The following TENM4 variants were observed in gnomAD, a reference collection of about 807,000 sequenced individuals.
The protein encoded by TENM4 is teneurin transmembrane protein 4.
In TENM4, 82 loss-of-function variants were observed where a neutral mutation model predicts 243.3. The ratio of observed to expected loss-of-function variants is 0.34; its 90% CI spans 0.28 to 0.40. TENM4 has a LOEUF of 0.40. Among genes scored for constraint, TENM4 ranks in the 10% least tolerant of loss-of-function variants. The probability of loss-of-function intolerance (pLI) is 1.00; values close to 1 mark genes in which losing one functional copy is unlikely to be tolerated. For missense variants in TENM4, 3,138 were observed against 3,673.3 expected (o/e 0.85, Z 3.77); for synonymous variants, 1,412 against 1,456.3 (o/e 0.97, Z 0.69).
At chr11:79,157,822 C>A (rs1380520615) in intron 3 of TENM4, among the ~76,000 whole-genome samples, 4 of 152,160 alleles carry the variant, frequency 2.6e-5, no homozygotes, top group Non-Finnish European at 5.9e-5. Flanking sequence ...CTGTGAACTC[C>A]AGAAGGCCTT....
intron 4 of TENM4, among the ~76,000 whole-genome samples, chr11:79,112,169 C>T (rs893905756): frequency 4.9e-4 from 74 of 152,180 alleles, no homozygotes; most frequent in Admixed American, 4.4e-3. Flanking sequence ...AAGAGATGCA[C>T]GTGTGCGCAC....
chr11:78,846,011 G>C (rs534240138), intron 12 of TENM4, among the ~76,000 whole-genome samples: 102 of 152,280 alleles, frequency 6.7e-4, no homozygotes, highest in Non-Finnish European at 1.1e-3. Context: ...TGGTCTCTAA[G>C]ACCCTATCTG....
At chr11:79,138,363 TAATATA>T in intron 4 of TENM4, among the ~76,000 whole-genome samples, 1 of 123,058 alleles carries the variant, frequency 8.1e-6, no homozygotes, top group South Asian at 2.2e-4. Flanking sequence ...ATATAATATA[TAATATA>T]AATATAATAT....
intron 21 of TENM4, 34 bp from the exon 22 acceptor site, chr11:78,729,677 G>T: frequency 6.4e-7 from 1 of 1,569,072 alleles, no homozygotes; most frequent in Non-Finnish European, 8.6e-7. Flanking sequence ...GCAAGGGACG[G>T]TCGTCGACTC....
chr11:79,184,118 A>G (rs1863340209), intron 3 of TENM4, among the ~76,000 whole-genome samples: 1 of 152,250 alleles, frequency 6.6e-6, no homozygotes, highest in Non-Finnish European at 1.5e-5. Context: ...GTCCATGGTC[A>G]GATAACTGGA....
At chr11:79,003,638 G>A (rs1309124124) in intron 6 of TENM4, among the ~76,000 whole-genome samples, 1 of 152,098 alleles carries the variant, frequency 6.6e-6, no homozygotes, top group African/African-American at 2.4e-5. Flanking sequence ...CTTACAAAAG[G>A]TCTGCAAGGG....
At chr11:79,023,087 C>A (rs1478167163) in intron 6 of TENM4, among the ~76,000 whole-genome samples, 1 of 152,100 alleles carries the variant, frequency 6.6e-6, no homozygotes. Flanking sequence ...CTAACATAAC[C>A]ACTTCATTTG....
At position 78,913,935 on chromosome 11, in the gene TENM4, T is replaced by C. The variant is rs546056731; in HGVS notation, c.494-10412A>G. Among the ~76,000 whole-genome samples, 6 of 152,204 alleles carry C rather than the reference T, an allele frequency of 3.9e-5. No individual in the cohort carries two copies. In the East Asian group the frequency reaches 1.2e-3, roughly 29 times the overall value. On this transcript the variant is annotated intron_variant, in intron 6 of 33. Coordinates refer to ENST00000278550, the MANE Select transcript of TENM4 (RefSeq NM_001098816.3). ...GGGAGTAGGGGGAGGACTGATGCTG[T>C]TAGCCTGGAGAGGAGAAGGGGAAGG...
intron 4 of TENM4, among the ~76,000 whole-genome samples, chr11:79,099,169 G>A (rs1343142150): frequency 6.6e-6 from 1 of 152,090 alleles, no homozygotes; most frequent in South Asian, 2.1e-4. Flanking sequence ...AGTCATTCCT[G>A]GGGGTCTCTG....
intron 1 of TENM4, among the ~76,000 whole-genome samples, chr11:79,372,784 A>C (rs1022346148): frequency 2.6e-5 from 4 of 152,314 alleles, no homozygotes; most frequent in African/African-American, 9.6e-5. Context: ...ATCAGGTTCT[A>C]CATTACTCTC....
At chr11:79,228,520 A>G (rs1864316176) in intron 2 of TENM4, among the ~76,000 whole-genome samples, 1 of 151,660 alleles carries the variant, frequency 6.6e-6, no homozygotes. Context: ...CGCCATCCCC[A>G]CCCACCTTCT....
chr11:79,091,482 C>T (rs1362610810), intron 4 of TENM4, among the ~76,000 whole-genome samples: 18 of 152,242 alleles, frequency 1.2e-4, no homozygotes, highest in South Asian at 2.1e-4. Context: ...CAGTCTTCAG[C>T]GTAATTTTTC....
chr11:79,033,427 C>T (rs1435468), intron 6 of TENM4, among the ~76,000 whole-genome samples: 108,872 of 152,174 alleles, frequency 0.72, 43,940 homozygotes, highest in Non-Finnish European at 0.94. Flanking sequence ...TCCTGATCTC[C>T]TACTCTGCAC....
chr11:79,381,622 G>A (rs185710533), intron 1 of TENM4, among the ~76,000 whole-genome samples: 2 of 150,734 alleles, frequency 1.3e-5, no homozygotes, highest in East Asian at 3.9e-4. Flanking sequence ...CAGTGAGTCA[G>A]TAAGCATTGG....
chr11:78,932,814 G>A (rs1165513812), intron 6 of TENM4, among the ~76,000 whole-genome samples: 2 of 152,152 alleles, frequency 1.3e-5, no homozygotes. Flanking sequence ...TTCAAAATAG[G>A]GTTCGAGTTC....
chr11:79,214,856 G>T (rs1452150950), intron 3 of TENM4, among the ~76,000 whole-genome samples: 2 of 152,248 alleles, frequency 1.3e-5, no homozygotes, highest in South Asian at 2.1e-4. Flanking sequence ...CAGCCTGGTC[G>T]CTAAGTCACT....
chr11:78,761,265 T>A (rs1423448542), intron 18 of TENM4, among the ~76,000 whole-genome samples: 1 of 151,672 alleles, frequency 6.6e-6, no homozygotes, highest in Non-Finnish European at 1.5e-5. Flanking sequence ...TTTGAGACGT[T>A]GTCTCGCTCT....
At chr11:78,873,688 C>T (rs564618876) in intron 9 of TENM4, among the ~76,000 whole-genome samples, 1 of 152,292 alleles carries the variant, frequency 6.6e-6, no homozygotes, top group East Asian at 1.9e-4. Context: ...ACTCAAATTT[C>T]GTTGGCAATA....
chr11:78,921,759 C>A (rs887648923), intron 6 of TENM4, among the ~76,000 whole-genome samples: 3 of 152,196 alleles, frequency 2.0e-5, no homozygotes, highest in African/African-American at 7.2e-5. Context: ...TCACACACTG[C>A]CTATCTCACT....
Sources: allele counts gnomAD v4.1 joint callset (sites outside exome capture counted in the v4.1 genomes callset), GRCh38; gene constraint gnomAD v4.1.1; transcripts MANE v1.5; gene names NCBI Gene and HGNC (gene_info 2026-07-23, HGNC 2026-07-21).